CLMP: variants seen among roughly 807,000 people sequenced by gnomAD.
CLMP encodes the protein CXADR-like membrane protein.
A neutral mutation model predicts 45.2 loss-of-function variants in CLMP; 27 were observed. That is an observed-to-expected ratio of 0.60 (90% CI 0.44 to 0.82). The LOEUF is 0.82. CLMP is among the 40% of genes least tolerant of loss of function. CLMP has a pLI of 0.00. For synonymous variants in CLMP, 167 were observed against 171.4 expected (o/e 0.97, Z 0.20); for missense variants, 403 against 448.4 (o/e 0.90, Z 0.91).
intron 1 of CLMP, among the ~76,000 whole-genome samples, chr11:123,110,269 C>T (rs564434572): frequency 6.6e-6 from 1 of 152,052 alleles, no homozygotes; most frequent in African/African-American, 2.4e-5. Flanking sequence ...GCCTGCCCAA[C>T]ATGGTGAAAC....
intron 1 of CLMP, among the ~76,000 whole-genome samples, chr11:123,106,250 C>G (rs1468366257): frequency 6.6e-6 from 1 of 151,992 alleles, no homozygotes; most frequent in Admixed American, 6.6e-5. Flanking sequence ...ATTGGACACT[C>G]TTGAACAGTT....
At chr11:123,184,795 T>C (rs1861811937) in intron 1 of CLMP, among the ~76,000 whole-genome samples, 1 of 152,232 alleles carries the variant, frequency 6.6e-6, no homozygotes, top group African/African-American at 2.4e-5. Context: ...GGATTTTACA[T>C]GCATTCATAC....
At chr11:123,116,537 C>G (rs926510732) in intron 1 of CLMP, among the ~76,000 whole-genome samples, 2 of 152,096 alleles carry the variant, frequency 1.3e-5, no homozygotes, top group Admixed American at 6.6e-5. Context: ...CACTGCATGC[C>G]AGCCTGGGCA....
rs1219107667 is a variant in CLMP, at chr11:123,083,734, G to A, written c.502C>T (p.Arg168Ter). ...TCCTCTCCCTCTTTCTCTCGGATTC[G>A]CTGCCAGTAATACACAATGGGCTCT... ...GTEPIVYYWQ[R>*]IREKEGEDER... Residue 168 changes from arginine to a stop codon, truncating the protein, a stop_gained, in exon 4 of 7, where the codon CGA becomes TGA. Coordinates refer to ENST00000448775, the MANE Select transcript of CLMP (RefSeq NM_024769.5). LOFTEE classifies it high-confidence loss of function. 20 of 1,613,838 alleles carry A rather than the reference G, an allele frequency of 1.2e-5. No individual in the cohort carries two copies. The highest frequency in any genetic ancestry group is 1.6e-5 in the Non-Finnish European group (19 of 1,180,008).
chr11:123,109,912 G>A (rs1860615235), intron 1 of CLMP, among the ~76,000 whole-genome samples: 1 of 152,164 alleles, frequency 6.6e-6, no homozygotes. Context: ...GGCATTCGGG[G>A]AGTCATGACC....
At chr11:123,161,389 G>C (rs1343715854) in intron 1 of CLMP, among the ~76,000 whole-genome samples, 1 of 151,984 alleles carries the variant, frequency 6.6e-6, no homozygotes, top group Admixed American at 6.6e-5. Context: ...GAATGGGTTC[G>C]GGTATGGTGG....
intron 2 of CLMP, among the ~76,000 whole-genome samples, chr11:123,085,769 G>GTT (rs200240564): frequency 6.0e-5 from 8 of 134,200 alleles, no homozygotes; most frequent in Admixed American, 1.6e-4. Context: ...AATTTTTTAT[G>GTT]TTTTTTTTTT....
At chr11:123,087,788 T>G (rs1007938602) in intron 2 of CLMP, among the ~76,000 whole-genome samples, 1 of 151,822 alleles carries the variant, frequency 6.6e-6, no homozygotes, top group Admixed American at 6.6e-5. Context: ...GCCACTGCAC[T>G]CCAGCCTAGG....
At chr11:123,161,007 C>T (rs907018216) in intron 1 of CLMP, among the ~76,000 whole-genome samples, 2 of 149,608 alleles carry the variant, frequency 1.3e-5, no homozygotes, top group African/African-American at 4.9e-5. Context: ...TGACAAGAAA[C>T]TTGCCTTCCT....
intron 5 of CLMP, among the ~76,000 whole-genome samples, chr11:123,082,284 A>G (rs1865814363): frequency 6.6e-6 from 1 of 152,182 alleles, no homozygotes; most frequent in Non-Finnish European, 1.5e-5. Flanking sequence ...GCTAATTCAC[A>G]TGTTTGTAAA....
chr11:123,151,382 C>T (rs1861335785), intron 1 of CLMP, among the ~76,000 whole-genome samples: 1 of 152,216 alleles, frequency 6.6e-6, no homozygotes, highest in Middle Eastern at 3.2e-3. Context: ...GACAGATTTA[C>T]CTGATGGCTC....
intron 1 of CLMP, among the ~76,000 whole-genome samples, chr11:123,106,944 C>T (rs894323665): frequency 4.0e-5 from 6 of 151,016 alleles, no homozygotes; most frequent in African/African-American, 7.3e-5. Context: ...GGTGTGAACC[C>T]GGGAGGCGGA....
At chr11:123,162,087 A>C in intron 1 of CLMP, among the ~76,000 whole-genome samples, 1 of 152,224 alleles carries the variant, frequency 6.6e-6, no homozygotes. Context: ...TTAGTGGACA[A>C]TGTTAAACCA....
At chr11:123,073,799 T>G (rs758227887) in intron 6 of CLMP, 25 bp from the exon 7 acceptor site, 1 of 1,540,748 alleles carries the variant, frequency 6.5e-7, no homozygotes, top group Non-Finnish European at 8.7e-7. Flanking sequence ...CAGCAAAGAT[T>G]AACACTGGCA....
chr11:123,146,984 A>G (rs1361027137), intron 1 of CLMP, among the ~76,000 whole-genome samples: 1 of 152,298 alleles, frequency 6.6e-6, no homozygotes, highest in African/African-American at 2.4e-5. Flanking sequence ...CCCTGGTTCT[A>G]TATATTCGAG....
intron 1 of CLMP, among the ~76,000 whole-genome samples, chr11:123,139,870 A>G (rs1302838803): frequency 6.6e-6 from 1 of 152,076 alleles, no homozygotes; most frequent in Non-Finnish European, 1.5e-5. Context: ...TAAAAAATAT[A>G]AAATAAAATA....
At chr11:123,140,152 A>T (rs563784360) in intron 1 of CLMP, among the ~76,000 whole-genome samples, 54 of 152,366 alleles carry the variant, frequency 3.5e-4, no homozygotes, top group African/African-American at 1.3e-3. Context: ...GCAAACAGGA[A>T]GTACCACTCT....
At chr11:123,171,754 CTG>C (rs1861637888) in intron 1 of CLMP, among the ~76,000 whole-genome samples, 1 of 152,016 alleles carries the variant, frequency 6.6e-6, no homozygotes, top group African/African-American at 2.4e-5. Flanking sequence ...TGTTGGAAGA[CTG>C]TCGTACTAAT....
At chr11:123,143,344 G>A (rs985623362) in intron 1 of CLMP, among the ~76,000 whole-genome samples, 13 of 152,186 alleles carry the variant, frequency 8.5e-5, no homozygotes, top group African/African-American at 3.1e-4. Context: ...TTGAAGTGCA[G>A]GGATATCTTC....
Sources: gnomAD v4.1 joint callset for allele counts (sites outside exome capture counted in the v4.1 genomes callset) on GRCh38, gnomAD v4.1.1 for gene constraint, MANE v1.5 for transcripts, NCBI Gene and HGNC (gene_info 2026-07-23, HGNC 2026-07-21) for gene names.